Variants in MBD5 observed in about 807,000 individuals in gnomAD.
MBD5 encodes the protein methyl-CpG-binding domain protein 5.
In MBD5, 13 loss-of-function variants were observed where a neutral mutation model predicts 117.3. The ratio of observed to expected loss-of-function variants is 0.11; its 90% CI spans 0.07 to 0.18. MBD5 has a LOEUF of 0.18. MBD5 is among the 10% of genes least tolerant of loss of function. The pLI is 1.00. For missense variants in MBD5, 1,879 were observed against 2,093.8 expected (o/e 0.90, Z 2.00); for synonymous variants, 727 against 766.4 (o/e 0.95, Z 0.85).
intron 1 of MBD5, among the ~76,000 whole-genome samples, chr2:148,103,116 C>T (rs1463361479): frequency 6.6e-6 from 1 of 152,012 alleles, no homozygotes; most frequent in Non-Finnish European, 1.5e-5. Context: ...CCTCAGATAT[C>T]CATGTAAGCT....
chr2:148,188,851 T>G (rs984356007), intron 2 of MBD5, among the ~76,000 whole-genome samples: 27 of 151,758 alleles, frequency 1.8e-4, no homozygotes, highest in African/African-American at 6.3e-4. Context: ...GGTACCGGGT[T>G]CATCTCACTA....
chr2:148,081,003 AATT>A (rs1399504375), intron 1 of MBD5, among the ~76,000 whole-genome samples: 1 of 152,180 alleles, frequency 6.6e-6, no homozygotes, highest in African/African-American at 2.4e-5. Flanking sequence ...TGCTGCTTCT[AATT>A]ATGGAAAATG....
chr2:148,355,389 T>C (rs1405783523), intron 4 of MBD5, among the ~76,000 whole-genome samples: 1 of 152,086 alleles, frequency 6.6e-6, no homozygotes, highest in African/African-American at 2.4e-5. Context: ...GCCCGGGTTT[T>C]CTTCTAGGGT....
At chr2:148,456,160 C>G (rs969651476) in intron 4 of MBD5, among the ~76,000 whole-genome samples, 7 of 152,134 alleles carry the variant, frequency 4.6e-5, no homozygotes, top group Non-Finnish European at 7.4e-5. Context: ...GCTGCTATAA[C>G]CAAACACTGT....
chr2:148,407,203 A>C (rs777442799), intron 4 of MBD5, among the ~76,000 whole-genome samples: 1 of 152,244 alleles, frequency 6.6e-6, no homozygotes, highest in Admixed American at 6.5e-5. Context: ...AAAAAGATGA[A>C]CATAAATGTT....
chr2:148,249,491 T>A (rs1181074375), intron 3 of MBD5, among the ~76,000 whole-genome samples: 1 of 152,144 alleles, frequency 6.6e-6, no homozygotes, highest in Non-Finnish European at 1.5e-5. Context: ...CACTTTCATA[T>A]CTTTTTCTCT....
intron 4 of MBD5, among the ~76,000 whole-genome samples, chr2:148,420,495 C>G (rs369231245): frequency 6.6e-6 from 1 of 152,178 alleles, no homozygotes; most frequent in African/African-American, 2.4e-5. Context: ...GAGTTCAACA[C>G]TAATTCAGCA....
In MBD5 at chr2:148,308,496, T is replaced by C. The variant is rs1351095583; in HGVS notation, c.-679-33718T>C. On this transcript the variant is annotated intron_variant, in intron 3 of 13. Coordinates refer to ENST00000642680, the MANE Select transcript of MBD5 (RefSeq NM_001378120.1). ...ACTTTTTGATGGGGTTCTTTCTTTT[T>C]TTTTTTTTTTTTTTTTTTTTTTGAT... Among the ~76,000 whole-genome samples the C allele has an allele frequency of 9.4e-3, 891 of 95,180 alleles. 27 individuals carry two copies. Among genetic ancestry groups the C allele is most frequent in the African/African-American group, 0.033 (837 of 25,606 alleles). The allele number at this position is 95,180 out of a possible 152,430, so 62.4% of individuals were successfully genotyped here. A position where few individuals can be genotyped will look rare whatever the true frequency, so the allele number is the denominator to read the frequency against.
intron 3 of MBD5, among the ~76,000 whole-genome samples, chr2:148,280,581 G>A (rs79732421): frequency 0.027 from 4,131 of 152,102 alleles, 96 homozygotes; most frequent in African/African-American, 0.056. Context: ...TCAGGTGTGC[G>A]CTCCCTGCCC....
chr2:148,510,204 A>C, intron 13 of MBD5, 69 bp downstream of exon 13: 1 of 1,155,924 alleles, frequency 8.7e-7, no homozygotes, highest in Non-Finnish European at 1.3e-6. Context: ...TTTTTGGTAA[A>C]GTCTCTTGAG....
chr2:148,118,428 A>T lies in MBD5; in HGVS notation c.-924-60272A>T, dbSNP rs955667523. Among the ~76,000 whole-genome samples the T allele has an allele frequency of 7.1e-5, 10 of 140,464 alleles. 1 individual carries two copies. Among genetic ancestry groups the T allele is most frequent in the Admixed American group, 4.0e-4 (5 of 12,464 alleles). The allele number at this position is 140,464 out of a possible 152,430, so 92.1% of individuals were successfully genotyped here. A position where few individuals can be genotyped will look rare whatever the true frequency, so the allele number is the denominator to read the frequency against. ...AGTTTGAGACCAGCCTGGGCAACATAAAAAAAAATATATATATATATATAG... is the reference window on the plus strand; with the variant it reads ...AGTTTGAGACCAGCCTGGGCAACATTAAAAAAAATATATATATATATATAG... On this transcript the variant is annotated intron_variant, in intron 1 of 13. Transcript: ENST00000642680.
At chr2:148,426,572 A>G (rs1199288405) in intron 4 of MBD5, among the ~76,000 whole-genome samples, 2 of 152,246 alleles carry the variant, frequency 1.3e-5, no homozygotes, top group East Asian at 1.9e-4. Context: ...TATTTAATAA[A>G]TGGTGCTGGG....
intron 1 of MBD5, chr2:148,026,593 A>AGCCTAGGCCACAGAGCGGGACCTT (rs2105554115): frequency 6.6e-6 from 1 of 152,246 alleles, no homozygotes; most frequent in Non-Finnish European, 1.5e-5. Flanking sequence ...TATGCAATCC[A>AGCCTAGGCCACAGAGCGGGACCTT]GCCTAGGCCA....
At chr2:148,113,810 A>G (rs1696556657) in intron 1 of MBD5, among the ~76,000 whole-genome samples, 1 of 152,216 alleles carries the variant, frequency 6.6e-6, no homozygotes, top group African/African-American at 2.4e-5. Context: ...TATCTTTTTT[A>G]GAAAACATAG....
chr2:148,209,116 A>G (rs1263332535), intron 2 of MBD5, among the ~76,000 whole-genome samples: 1 of 152,198 alleles, frequency 6.6e-6, no homozygotes, highest in Admixed American at 6.5e-5. Flanking sequence ...ATTACATTCT[A>G]AAACTGATTA....
At chr2:148,240,071 G>T (rs745819947) in intron 3 of MBD5, among the ~76,000 whole-genome samples, 1 of 152,144 alleles carries the variant, frequency 6.6e-6, no homozygotes, top group Non-Finnish European at 1.5e-5. Context: ...ATACACCATG[G>T]AATCCTATGC....
chr2:148,381,908 T>G (rs1704157374), intron 4 of MBD5, among the ~76,000 whole-genome samples: 1 of 152,132 alleles, frequency 6.6e-6, no homozygotes, highest in South Asian at 2.1e-4. Context: ...AAGCAAATGC[T>G]GAGAGATTTT....
chr2:148,125,158 CG>C (rs1366806567), intron 1 of MBD5, among the ~76,000 whole-genome samples: 3 of 151,896 alleles, frequency 2.0e-5, no homozygotes, highest in Non-Finnish European at 4.4e-5. Context: ...AGCATGTAGA[CG>C]TGAGGAAAAT....
chr2:148,021,529 C>T lies in MBD5; in HGVS notation c.-1080C>T. The T allele has an allele frequency of 1.8e-6, 1 of 569,864 alleles. No individual in the cohort carries two copies. Among genetic ancestry groups the T allele is most frequent in the Non-Finnish European group, 3.4e-6 (1 of 296,740 alleles). 35.3% of individuals were successfully genotyped at this position (569,864 alleles called of 1,614,324 possible). On this transcript the variant is annotated 5_prime_UTR_variant, in exon 1 of 14. Coordinates refer to ENST00000642680, the MANE Select transcript of MBD5 (RefSeq NM_001378120.1). ...GCTGCTGCTACTGCTGCTGCTTGGC[C>T]CTGGCTGGAGACATCTCACTACACC...
Sources: allele counts gnomAD v4.1 joint callset (sites outside exome capture counted in the v4.1 genomes callset), GRCh38; gene constraint gnomAD v4.1.1; transcripts MANE v1.5; gene names NCBI Gene and HGNC (gene_info 2026-07-23, HGNC 2026-07-21).